The following ANKS1B variants were observed in gnomAD, a reference collection of about 807,000 sequenced individuals.
ANKS1B encodes the protein ankyrin repeat and sterile alpha motif domain-containing protein 1B.
A neutral mutation model predicts 148.3 loss-of-function variants in ANKS1B; 36 were observed. The ratio of observed to expected loss-of-function variants is 0.24; its 90% CI spans 0.19 to 0.32. ANKS1B has a LOEUF of 0.32. ANKS1B is among the 10% of genes least tolerant of loss of function. The pLI, the probability that ANKS1B is intolerant of heterozygous loss-of-function variation, is 1.00. For synonymous variants in ANKS1B, 542 were observed against 560.8 expected (o/e 0.97, Z 0.47); for missense variants, 1,157 against 1,542.6 (o/e 0.75, Z 4.19).
At chr12:98,764,969 T>C (rs766305014) in intron 25 of ANKS1B, among the ~76,000 whole-genome samples, 3 of 152,210 alleles carry the variant, frequency 2.0e-5, no homozygotes. Context: ...ACTCTATCAA[T>C]ACAGGAATGC....
intron 12 of ANKS1B, among the ~76,000 whole-genome samples, chr12:99,322,126 G>A (rs752809694): frequency 2.6e-5 from 4 of 152,112 alleles, no homozygotes; most frequent in Non-Finnish European, 4.4e-5. Flanking sequence ...ATCAATGTTA[G>A]ACTGGATAAG....
chr12:99,910,735 A>G (rs1009584860), intron 1 of ANKS1B, among the ~76,000 whole-genome samples: 5 of 152,330 alleles, frequency 3.3e-5, no homozygotes, highest in South Asian at 2.1e-4. Flanking sequence ...GTTTAAAAAC[A>G]TGTATCTAAC....
intron 9 of ANKS1B, among the ~76,000 whole-genome samples, chr12:99,590,165 TG>T (rs2097686059): frequency 6.6e-6 from 1 of 151,966 alleles, no homozygotes. Flanking sequence ...TATAGATATG[TG>T]AATTAATATG....
intron 9 of ANKS1B, among the ~76,000 whole-genome samples, chr12:99,560,951 A>C (rs1438703521): frequency 7.2e-6 from 1 of 138,954 alleles, no homozygotes; most frequent in Non-Finnish European, 1.5e-5. Flanking sequence ...GGTTCACGCC[A>C]TTCTCCTGCC....
At chr12:99,049,564 C>T (rs921905728) in intron 17 of ANKS1B, among the ~76,000 whole-genome samples, 7 of 152,204 alleles carry the variant, frequency 4.6e-5, no homozygotes, top group South Asian at 2.1e-4. Context: ...TCTCTTAGCA[C>T]ATCTCCAAGT....
At chr12:99,634,680 A>G (rs1028267151) in intron 9 of ANKS1B, among the ~76,000 whole-genome samples, 9 of 152,190 alleles carry the variant, frequency 5.9e-5, no homozygotes, top group Non-Finnish European at 1.2e-4. Flanking sequence ...CTTAGAAGAA[A>G]GCAGAAAAGC....
At position 99,177,165 on chromosome 12, in the gene ANKS1B, T is replaced by C. The variant is rs368169317; in HGVS notation, c.2420-22770A>G. 1.7e-4 allele frequency among the ~76,000 whole-genome samples: 26 copies of C among 152,334 alleles called. 1 individual carries two copies. The highest frequency in any genetic ancestry group is 5.1e-4 in the African/African-American group (21 of 41,572). ...TATGTTCCAAGTCTTGGCAACAGCA[T>C]ATACAGTATTCTTCATGTTAAACTC... On this transcript the variant is annotated intron_variant, in intron 14 of 26. Coordinates refer to ENST00000683438, the MANE Select transcript of ANKS1B (RefSeq NM_001352186.2).
chr12:99,616,208 A>C (rs1186338653), intron 9 of ANKS1B, among the ~76,000 whole-genome samples: 2 of 152,214 alleles, frequency 1.3e-5, no homozygotes. Context: ...GAAAATAGCC[A>C]TACTGCCCAA....
At chr12:99,629,057 A>T (rs1345319175) in intron 9 of ANKS1B, among the ~76,000 whole-genome samples, 5 of 152,180 alleles carry the variant, frequency 3.3e-5, no homozygotes, top group African/African-American at 9.7e-5. Flanking sequence ...ATTGAAACAC[A>T]GCTATGTCCG....
chr12:98,895,108 G>A, intron 17 of ANKS1B: 6 of 984,742 alleles, frequency 6.1e-6, no homozygotes, highest in Non-Finnish European at 7.2e-6. Context: ...GGGAGGTGTC[G>A]GCTTGGCCGC....
chr12:99,153,470 G>A (rs2075464288), intron 15 of ANKS1B, among the ~76,000 whole-genome samples: 1 of 152,158 alleles, frequency 6.6e-6, no homozygotes, highest in African/African-American at 2.4e-5. Flanking sequence ...GCTTAACAAG[G>A]GGAACTGATG....
chr12:99,927,131 G>A (rs534155989), intron 1 of ANKS1B, among the ~76,000 whole-genome samples: 1 of 151,970 alleles, frequency 6.6e-6, no homozygotes, highest in African/African-American at 2.4e-5. Context: ...AAATGAAGGA[G>A]ACACACTGAA....
At chr12:99,447,798 T>C (rs947097970) in intron 10 of ANKS1B, among the ~76,000 whole-genome samples, 1 of 152,030 alleles carries the variant, frequency 6.6e-6, no homozygotes, top group East Asian at 1.9e-4. Flanking sequence ...AGGATCTGAA[T>C]GGACATTTCT....
chr12:99,591,395 C>T (rs190022412), intron 9 of ANKS1B, among the ~76,000 whole-genome samples: 20 of 151,950 alleles, frequency 1.3e-4, no homozygotes, highest in Admixed American at 7.2e-4. Context: ...ACCATGACTA[C>T]GGTTTTCAGA....
Position 99,273,722 on chromosome 12 carries a change from G to A in ANKS1B, c.1757-26858C>T, listed in dbSNP as rs188067780. ...CTCCGGAGTAGCTGGGATTACAGGC[G>A]CGTGCCACCACACCCGGCTAATTTT... On this transcript the variant is annotated intron_variant, in intron 12 of 26. Coordinates refer to ENST00000683438, the MANE Select transcript of ANKS1B (RefSeq NM_001352186.2). 1.7e-4 allele frequency among the ~76,000 whole-genome samples: 26 copies of A among 151,676 alleles called. No homozygotes were observed. The East Asian group carries it at 3.5e-3, about 20-fold the overall frequency.
intron 8 of ANKS1B, among the ~76,000 whole-genome samples, chr12:99,737,774 T>G (rs1269996569): frequency 2.0e-5 from 3 of 152,074 alleles, no homozygotes; most frequent in African/African-American, 7.2e-5. Context: ...TTTCTCAAGT[T>G]CTTAGATCCT....
intron 12 of ANKS1B, among the ~76,000 whole-genome samples, chr12:99,265,142 T>A (rs2076318217): frequency 6.6e-6 from 1 of 152,182 alleles, no homozygotes; most frequent in Non-Finnish European, 1.5e-5. Flanking sequence ...CATGTAGTAG[T>A]GGCTACTGTA....
chr12:99,390,432 C>T (rs909922053), intron 12 of ANKS1B, among the ~76,000 whole-genome samples: 4 of 152,116 alleles, frequency 2.6e-5, no homozygotes, highest in Non-Finnish European at 4.4e-5. Flanking sequence ...ATTGTATAGA[C>T]AAATGAGAAG....
intron 1 of ANKS1B, among the ~76,000 whole-genome samples, chr12:99,826,945 T>G (rs151120714): frequency 1.3e-5 from 2 of 152,086 alleles, no homozygotes; most frequent in East Asian, 3.9e-4. Context: ...ACTCCATGTC[T>G]GCTAAAAATA....
Sources: allele counts gnomAD v4.1 joint callset (sites outside exome capture counted in the v4.1 genomes callset), GRCh38; gene constraint gnomAD v4.1.1; transcripts MANE v1.5; gene names NCBI Gene and HGNC (gene_info 2026-07-23, HGNC 2026-07-21).